GTF2H1: variants seen among roughly 807,000 people sequenced by gnomAD.
GTF2H1 encodes BTF2 p62.
A neutral mutation model predicts 71.2 loss-of-function variants in GTF2H1; 16 were observed. The observed-to-expected ratio is 0.22, with a 90% CI of 0.15 to 0.34. The LOEUF (loss-of-function observed/expected upper bound fraction) is 0.34. GTF2H1 is among the 10% of genes least tolerant of loss of function. The pLI is 1.00. For synonymous variants in GTF2H1, 215 were observed against 219.0 expected (o/e 0.98, Z 0.16); for missense variants, 498 against 648.2 (o/e 0.77, Z 2.52).
chr11:18,352,254 C>A, intron 10 of GTF2H1, 75 bp from the exon 11 acceptor site: 1 of 736,256 alleles, frequency 1.4e-6, no homozygotes, highest in Non-Finnish European at 2.4e-6. Context: ...GTACTGACTG[C>A]TAAAATGTTG....
At chr11:18,346,191 G>A (rs1008576755) in intron 7 of GTF2H1, among the ~76,000 whole-genome samples, 1 of 152,170 alleles carries the variant, frequency 6.6e-6, no homozygotes, top group Admixed American at 6.5e-5. Flanking sequence ...GACACAATAT[G>A]TACTACATTG....
intron 7 of GTF2H1, among the ~76,000 whole-genome samples, chr11:18,345,500 T>C (rs1421059193): frequency 7.8e-6 from 1 of 128,142 alleles, no homozygotes; most frequent in Non-Finnish European, 1.6e-5. Flanking sequence ...CATATGGATC[T>C]TTTTTTTTTT....
chr11:18,354,803 CT>C (rs1223284607), intron 11 of GTF2H1, among the ~76,000 whole-genome samples: 1 of 151,424 alleles, frequency 6.6e-6, no homozygotes, highest in Non-Finnish European at 1.5e-5. Flanking sequence ...TTCTTTGTTT[CT>C]TTTTGTTTTT....
In GTF2H1 at chr11:18,341,247, GT is replaced by G. The variant is rs781700044; in HGVS notation, c.608-7del. ...GAAATTCAGTATATAATATTTGTGG[GT>G]TTTTTTCCACAGTAAAAATGAAATA... On this transcript the variant is annotated splice_polypyrimidine_tract_variant and intron_variant, in intron 5 of 14. Coordinates refer to ENST00000265963, the MANE Select transcript of GTF2H1 (RefSeq NM_005316.4). The G allele has an allele frequency of 2.5e-6, 4 of 1,599,968 alleles. No individual in the cohort carries two copies. The highest frequency in any genetic ancestry group is 1.1e-5 in the South Asian group (1 of 88,896).
At chr11:18,365,054 A>G in intron 14 of GTF2H1, among the ~76,000 whole-genome samples, 1 of 145,270 alleles carries the variant, frequency 6.9e-6, no homozygotes, top group Non-Finnish European at 1.5e-5. Context: ...GCATAGCAAG[A>G]GTCCATCTCC....
chr11:18,350,494 T>A (rs933652465), intron 9 of GTF2H1, among the ~76,000 whole-genome samples: 2 of 152,154 alleles, frequency 1.3e-5, no homozygotes, highest in Non-Finnish European at 2.9e-5. Flanking sequence ...TGAGGTCAGA[T>A]TTGTTCCTGT....
At chr11:18,364,790 A>C (rs1278262844) in intron 14 of GTF2H1, among the ~76,000 whole-genome samples, 2 of 152,104 alleles carry the variant, frequency 1.3e-5, no homozygotes, top group Non-Finnish European at 2.9e-5. Flanking sequence ...GAGTTGGAAA[A>C]ACCCTAAAAA....
intron 1 of GTF2H1, 57 bp from the exon 2 acceptor site, chr11:18,333,003 T>G: frequency 8.0e-7 from 1 of 1,248,880 alleles, no homozygotes. Context: ...GTCAACAAAT[T>G]CAACCCTAAT....
At position 18,360,116 on chromosome 11, in the gene GTF2H1, G is replaced by C. The variant is rs1258354925; in HGVS notation, c.1468-499G>C. On this transcript the variant is annotated intron_variant, in intron 13 of 14. Coordinates refer to ENST00000265963, the MANE Select transcript of GTF2H1 (RefSeq NM_005316.4). ...GAATGAGTGACTATTTAAATGAGTT[G>C]GGATTTTTTGTTGTTTTTGTTTTTT... 2.6e-5 allele frequency among the ~76,000 whole-genome samples: 4 copies of C among 151,280 alleles called. No homozygotes were observed. The East Asian group carries it at 7.9e-4, about 30-fold the overall frequency.
At chr11:18,356,554 C>T (rs1356087532) in intron 11 of GTF2H1, among the ~76,000 whole-genome samples, 3 of 151,994 alleles carry the variant, frequency 2.0e-5, no homozygotes, top group Non-Finnish European at 4.4e-5. Context: ...CCCTTGGGCC[C>T]GAGTAGACCC....
rs538235158 is a variant in GTF2H1 at position 18,333,107 on chromosome 11, T to C, written c.33T>C (p.Ile11=). 6.2e-7 allele frequency: 1 copy of C among 1,612,386 alleles called. No homozygotes were observed. Among genetic ancestry groups the C allele is most frequent in the South Asian group, 1.1e-5 (1 of 90,906 alleles). The part of the protein sequence containing the change: MATSSEEVLL[I]VKKVRQKKQD... ...CCTCATCTGAAGAAGTTTTGCTGAT[T>C]GTAAAGAAAGTGCGTCAAAAGAAGC... The change falls in exon 2 of 15, where the codon ATT becomes ATC. Residue 11 remains isoleucine (I), a synonymous_variant. Transcript: ENST00000265963.
chr11:18,345,585 G>C (rs929668065), intron 7 of GTF2H1, among the ~76,000 whole-genome samples: 1 of 144,016 alleles, frequency 6.9e-6, no homozygotes, highest in Non-Finnish European at 1.5e-5. Flanking sequence ...TGCAATCTCT[G>C]CCTCCCGAGT....
At chr11:18,335,980 A>G (rs1238398494) in intron 3 of GTF2H1, 34 bp downstream of exon 3, 2 of 1,516,878 alleles carry the variant, frequency 1.3e-6, no homozygotes, top group Admixed American at 1.7e-5. Flanking sequence ...TGAAAGAGAT[A>G]CTGGGTTCTC....
In GTF2H1 at chr11:18,352,010, T is replaced by C. The variant is rs780620339; in HGVS notation, c.1142+41T>C. 4.0e-6 allele frequency: 4 copies of C among 993,762 alleles called. No homozygotes were observed. The African/African-American group carries it at 6.4e-5, about 16-fold the overall frequency. The allele number at this position is 993,762 out of a possible 1,614,324, so 61.6% of individuals were successfully genotyped here. A position where few individuals can be genotyped will look rare whatever the true frequency, so the allele number is the denominator to read the frequency against. On this transcript the variant is annotated intron_variant, in intron 10 of 14. Transcript: ENST00000265963. ...ATTAAGCAGAATAGCTATGTAACAATTCAGTCCAAAATATATCCTACAAGT... is the reference window on the plus strand; with the variant it reads ...ATTAAGCAGAATAGCTATGTAACAACTCAGTCCAAAATATATCCTACAAGT...
rs762598943 is a variant in GTF2H1, at chr11:18,365,875, CCATGATG to C, written c.*8_*14del. ...GTCTGATGAAGAAAACGTGAGGTGG[CCATGATG>C]CTTACAGGTTTTGTGAGATTGAGAG... On this transcript the variant is annotated 3_prime_UTR_variant, in exon 15 of 15. Coordinates refer to ENST00000265963, the MANE Select transcript of GTF2H1 (RefSeq NM_005316.4). 6.2e-7 allele frequency: 1 copy of C among 1,600,828 alleles called. No individual in the cohort carries two copies. The highest frequency in any genetic ancestry group is 8.6e-7 in the Non-Finnish European group (1 of 1,168,118).
chr11:18,365,849 C>T lies in GTF2H1; in HGVS notation c.1627C>T (p.Arg543Cys), dbSNP rs768581971. 2.5e-6 allele frequency: 4 copies of T among 1,612,832 alleles called. No individual in the cohort carries two copies. Among genetic ancestry groups the T allele is most frequent in the Admixed American group, 1.7e-5 (1 of 59,974 alleles). The change falls in exon 15 of 15, where the codon CGT becomes TGT. Residue 543 changes from arginine to cysteine, a missense_variant. By Grantham distance (180) the Arg-to-Cys change is radical. Transcript: ENST00000265963. ...YNKLHTWQSR[R>C]LMKKT is the part of the protein sequence containing the mutation. ...CAAGCTCCACACATGGCAGTCACGGCGTCTGATGAAGAAAACGTGAGGTGG... is the reference window on the plus strand; with the variant it reads ...CAAGCTCCACACATGGCAGTCACGGTGTCTGATGAAGAAAACGTGAGGTGG...
At chr11:18,328,199 T>C (rs1864809783) in intron 1 of GTF2H1, among the ~76,000 whole-genome samples, 2 of 76,150 alleles carry the variant, frequency 2.6e-5, no homozygotes, top group African/African-American at 1.1e-4. Flanking sequence ...GGAGACTCCA[T>C]CTCAAAAAAA....
chr11:18,347,355 CAGAG>C (rs747824359), intron 7 of GTF2H1: 12 of 347,896 alleles, frequency 3.4e-5, no homozygotes, highest in Non-Finnish European at 5.7e-5. Flanking sequence ...ATCTCAAAAA[CAGAG>C]AGAAATTCAG....
chr11:18,333,948 A>T (rs1225719417), intron 2 of GTF2H1, among the ~76,000 whole-genome samples: 2 of 152,260 alleles, frequency 1.3e-5, no homozygotes, highest in East Asian at 3.9e-4. Context: ...CTTTTTATAA[A>T]TTTCAGGCAT....
Sources: allele counts gnomAD v4.1 joint callset (sites outside exome capture counted in the v4.1 genomes callset), GRCh38; gene constraint gnomAD v4.1.1; transcripts MANE v1.5; gene names NCBI Gene and HGNC (gene_info 2026-07-23, HGNC 2026-07-21).